PCDH15: variants seen among roughly 807,000 people sequenced by gnomAD.
The protein encoded by PCDH15 is protocadherin-15.
A neutral mutation model predicts 178.5 loss-of-function variants in PCDH15; 129 were observed. The observed-to-expected ratio is 0.72, with a 90% CI of 0.63 to 0.84. The LOEUF (loss-of-function observed/expected upper bound fraction) is 0.84. Ranked by LOEUF, PCDH15 falls within the 40% of genes least tolerant of loss-of-function variation. The pLI is 0.00. For missense variants in PCDH15, 2,230 were observed against 2,099.9 expected (o/e 1.06, Z -1.21); for synonymous variants, 800 against 732.0 (o/e 1.09, Z -1.50).
At chr10:54,422,803 CAGTT>C (rs1477192098) in intron 3 of PCDH15, among the ~76,000 whole-genome samples, 5 of 152,108 alleles carry the variant, frequency 3.3e-5, no homozygotes, top group African/African-American at 1.2e-4. Flanking sequence ...TTGTCATTGT[CAGTT>C]AGGGCAGCAG....
chr10:54,150,472 A>G (rs2044416447), intron 14 of PCDH15, among the ~76,000 whole-genome samples: 1 of 151,894 alleles, frequency 6.6e-6, no homozygotes, highest in African/African-American at 2.4e-5. Flanking sequence ...TGTATCTTTT[A>G]GAAGAATCAT....
intron 2 of PCDH15, among the ~76,000 whole-genome samples, chr10:55,519,169 C>G (rs924056258): frequency 6.7e-6 from 1 of 149,712 alleles, no homozygotes. Context: ...CAGCCAGCTG[C>G]CCCCTCAGGT....
intron 28 of PCDH15, among the ~76,000 whole-genome samples, chr10:53,848,105 A>G (rs2078099950): frequency 6.6e-6 from 1 of 152,052 alleles, no homozygotes; most frequent in African/African-American, 2.4e-5. Context: ...GAAAAGAATA[A>G]TAAATAGGAT....
At chr10:54,615,612 ACT>A (rs1415331180) in intron 2 of PCDH15, among the ~76,000 whole-genome samples, 1 of 152,092 alleles carries the variant, frequency 6.6e-6, no homozygotes, top group Non-Finnish European at 1.5e-5. Context: ...CAAATAAGAC[ACT>A]GTCTATCTCT....
intron 3 of PCDH15, among the ~76,000 whole-genome samples, chr10:54,464,513 A>G (rs566027012): frequency 5.3e-5 from 8 of 152,348 alleles, no homozygotes; most frequent in African/African-American, 1.9e-4. Context: ...GTGTTTACAC[A>G]GAATAATTAT....
At chr10:53,867,024 C>T (rs1038507426) in intron 26 of PCDH15, among the ~76,000 whole-genome samples, 167 bp from the exon 27 acceptor site, 2 of 152,048 alleles carry the variant, frequency 1.3e-5, no homozygotes, top group African/African-American at 4.8e-5. Flanking sequence ...GATTAATAGA[C>T]TTTGTGTCCA....
intron 1 of PCDH15, among the ~76,000 whole-genome samples, chr10:54,671,739 T>G (rs1032894733): frequency 6.6e-6 from 1 of 152,150 alleles, no homozygotes; most frequent in Admixed American, 6.6e-5. Flanking sequence ...CTAAATGAAT[T>G]AATAATAAAT....
At chr10:55,315,249 C>G (rs974349738) in intron 1 of PCDH15, among the ~76,000 whole-genome samples, 2 of 152,056 alleles carry the variant, frequency 1.3e-5, no homozygotes, top group Admixed American at 6.6e-5. Flanking sequence ...TTTTCTTAGA[C>G]TATATTATAA....
At chr10:54,184,839 T>G (rs1423309781) in intron 12 of PCDH15, among the ~76,000 whole-genome samples, 2 of 151,660 alleles carry the variant, frequency 1.3e-5, no homozygotes, top group Non-Finnish European at 2.9e-5. Flanking sequence ...TCTTTATACC[T>G]CAATTTAAGA....
intron 2 of PCDH15, among the ~76,000 whole-genome samples, chr10:55,142,875 GGAATAA>G (rs759954663): frequency 1.3e-5 from 2 of 151,894 alleles, no homozygotes; most frequent in Non-Finnish European, 2.9e-5. Flanking sequence ...TAAATGAGAA[GGAATAA>G]ATGCAAAGTG....
At chr10:53,871,101 AGGCG>A (rs1363970484) in intron 26 of PCDH15, among the ~76,000 whole-genome samples, 1 of 151,754 alleles carries the variant, frequency 6.6e-6, no homozygotes, top group Non-Finnish European at 1.5e-5. Flanking sequence ...TAGGAGGCTG[AGGCG>A]GGCGGGTCAC....
intron 25 of PCDH15, among the ~76,000 whole-genome samples, chr10:53,933,335 CCACAA>C (rs553822858): frequency 2.5e-3 from 376 of 151,812 alleles, no homozygotes; most frequent in African/African-American, 8.3e-3. Context: ...TTCCCCCACC[CCACAA>C]CAGTCCCCCG....
At chr10:54,697,171 G>A (rs541692995) in intron 1 of PCDH15, among the ~76,000 whole-genome samples, 1 of 151,996 alleles carries the variant, frequency 6.6e-6, no homozygotes, top group East Asian at 1.9e-4. Flanking sequence ...GACTTTGATA[G>A]ATAAAAAATA....
rs780990382 is a variant in PCDH15 at position 54,317,392 on chromosome 10, G to A, written c.755C>T (p.Thr252Ile). ...NERRTTTTTL[T>I]VDVLDGDDLG... ...GTCATCTCCATCCAGAACATCCACT[G>A]TGAGAGTGGTGGTGGTGGTTCGCCT... is the stretch of plus-strand genomic sequence containing the variant. The change falls in exon 8 of 38, where the codon ACA (threonine) becomes ATA (isoleucine). Residue 252 changes from threonine to isoleucine, a missense_variant. Physicochemically the swap from Thr to Ile is moderately conservative, Grantham distance 89. Coordinates refer to ENST00000644397, the MANE Select transcript of PCDH15 (RefSeq NM_001384140.1). The A allele has an allele frequency of 2.5e-6, 4 of 1,614,018 alleles. No individual in the cohort carries two copies. The highest frequency in any genetic ancestry group is 3.4e-6 in the Non-Finnish European group (4 of 1,179,940).
In PCDH15 at chr10:54,551,790, T is replaced by C. The variant is rs534694916; in HGVS notation, c.92-23913A>G. On this transcript the variant is annotated intron_variant, in intron 2 of 37. Transcript: ENST00000644397. ...TTTCATTTACAGCTACCTCAAAAAATAGTATGTATTCCTAAAATAATATAG... is the reference window on the plus strand; with the variant it reads ...TTTCATTTACAGCTACCTCAAAAAACAGTATGTATTCCTAAAATAATATAG... Among the ~76,000 whole-genome samples, 9 of 152,112 alleles carry C rather than the reference T, an allele frequency of 5.9e-5. No individual in the cohort carries two copies. In the East Asian group the frequency reaches 1.3e-3, roughly 23 times the overall value.
intron 2 of PCDH15, among the ~76,000 whole-genome samples, chr10:55,385,526 G>C (rs1486908440): frequency 6.6e-6 from 1 of 151,680 alleles, no homozygotes; most frequent in African/African-American, 2.4e-5. Context: ...AAGCCATTAA[G>C]TTTTATGACA....
At chr10:55,527,580 T>G (rs1217663851) in intron 2 of PCDH15, among the ~76,000 whole-genome samples, 1 of 152,018 alleles carries the variant, frequency 6.6e-6, no homozygotes, top group Non-Finnish European at 1.5e-5. Context: ...TATAATATTG[T>G]AAGGGACTCA....
chr10:53,857,401 T>C (rs1017769847), intron 27 of PCDH15, 138 bp from the exon 28 acceptor site: 1 of 486,856 alleles, frequency 2.1e-6, no homozygotes, highest in Non-Finnish European at 3.7e-6. Flanking sequence ...CAAATATATA[T>C]ACATTTTTAA....
rs397517459 is a variant in PCDH15 at position 53,827,417 on chromosome 10, T to C, written c.4343A>G (p.Tyr1448Cys). ...CATTGAGCTGTCTCCAAGTTCTTCA[T>C]AGAGATGCGCACCTGGCGGAGGCGG... ...PPPPPPGAHL[Y>C]EELGDSSIWS... Residue 1448 changes from tyrosine to cysteine, a missense_variant, in exon 32 of 38, where the codon TAT becomes TGT. Tyr to Cys is a radical substitution (Grantham distance 194). Coordinates refer to ENST00000644397, the MANE Select transcript of PCDH15 (RefSeq NM_001384140.1). 39 of 1,613,000 alleles carry C rather than the reference T, an allele frequency of 2.4e-5. No homozygotes were observed. The highest frequency in any genetic ancestry group is 1.7e-4 in the Middle Eastern group (1 of 6,058).
Sources: gnomAD v4.1 joint callset for allele counts (sites outside exome capture counted in the v4.1 genomes callset) on GRCh38, gnomAD v4.1.1 for gene constraint, MANE v1.5 for transcripts, NCBI Gene and HGNC (gene_info 2026-07-23, HGNC 2026-07-21) for gene names.